The following RELN variants were observed in gnomAD, a reference collection of about 807,000 sequenced individuals.
RELN encodes reelin.
RELN carries 108 observed loss-of-function variants against 427.6 expected under a neutral mutation model. That is an observed-to-expected ratio of 0.25 (90% confidence interval 0.22 to 0.30). The LOEUF is 0.30. Among genes scored for constraint, RELN ranks in the 10% least tolerant of loss-of-function variants. The probability of loss-of-function intolerance (pLI) is 1.00; values close to 1 mark genes in which losing one functional copy is unlikely to be tolerated. For synonymous variants in RELN, 1,524 were observed against 1,513.4 expected, an observed-to-expected ratio of 1.01 and a Z score of -0.16; for missense variants, 3,715 against 4,302.8, an observed-to-expected ratio of 0.86 and a Z score of 3.82.
intron 4 of RELN, among the ~76,000 whole-genome samples, chr7:103,768,960 T>C (rs1319010251): frequency 1.3e-5 from 2 of 152,226 alleles, no homozygotes; most frequent in Non-Finnish European, 2.9e-5. Flanking sequence ...ATACAAATAA[T>C]GTAAGTTCAC....
chr7:103,615,481 C>T (rs1257259993), intron 20 of RELN, among the ~76,000 whole-genome samples: 3 of 152,172 alleles, frequency 2.0e-5, no homozygotes, highest in African/African-American at 7.2e-5. Context: ...TCCCCTAAAG[C>T]CCTCAGAACC....
At chr7:103,751,304 A>G (rs935679423) in intron 5 of RELN, among the ~76,000 whole-genome samples, 2 of 152,228 alleles carry the variant, frequency 1.3e-5, no homozygotes, top group Non-Finnish European at 2.9e-5. Flanking sequence ...ATTCTCTGAA[A>G]TCACTGGGTA....
chr7:103,631,976 A>C (rs1171133110), intron 19 of RELN, among the ~76,000 whole-genome samples: 1 of 152,198 alleles, frequency 6.6e-6, no homozygotes, highest in African/African-American at 2.4e-5. Flanking sequence ...TAACATAACA[A>C]TTGAAAACTA....
At chr7:103,773,162 T>TTCTTTCTTTCTTTCTTTC (rs1391560154) in intron 4 of RELN, among the ~76,000 whole-genome samples, 31 of 106,030 alleles carry the variant, frequency 2.9e-4, no homozygotes, top group African/African-American at 1.0e-3. Flanking sequence ...CTTTCTTTCT[T>TTCTTTCTTTCTTTCTTTC]TCTTTTTCTT....
intron 51 of RELN, among the ~76,000 whole-genome samples, chr7:103,504,829 T>A (rs1159697240): frequency 6.6e-6 from 1 of 152,170 alleles, no homozygotes; most frequent in East Asian, 1.9e-4. Flanking sequence ...ATTCACTGGC[T>A]TGAAATTCTC....
intron 50 of RELN, among the ~76,000 whole-genome samples, chr7:103,511,767 C>T (rs1190218969): frequency 1.3e-5 from 2 of 151,992 alleles, no homozygotes; most frequent in Non-Finnish European, 2.9e-5. Flanking sequence ...CTGCTTGAGT[C>T]CAGGAGTTCA....
At chr7:103,478,144 C>A (rs1828100128) in intron 64 of RELN, among the ~76,000 whole-genome samples, 1 of 152,128 alleles carries the variant, frequency 6.6e-6, no homozygotes, top group South Asian at 2.1e-4. Flanking sequence ...GACTAGCACT[C>A]TGGTCTATGC....
chr7:103,815,789 G>T (rs911171701), intron 3 of RELN, among the ~76,000 whole-genome samples: 3 of 152,186 alleles, frequency 2.0e-5, no homozygotes, highest in African/African-American at 7.2e-5. Flanking sequence ...ATTTCTTATA[G>T]ACATGAATTG....
chr7:103,921,738 C>T (rs913669640), intron 1 of RELN, among the ~76,000 whole-genome samples: 1 of 152,142 alleles, frequency 6.6e-6, no homozygotes, highest in Non-Finnish European at 1.5e-5. Flanking sequence ...TCCCTCCAGT[C>T]AAATTTCTCC....
chr7:103,915,022 C>A (rs1321974525), intron 2 of RELN, among the ~76,000 whole-genome samples: 3 of 152,090 alleles, frequency 2.0e-5, no homozygotes, highest in East Asian at 1.9e-4. Context: ...CCCAAACTTA[C>A]AATATCCTGA....
At position 103,566,664 on chromosome 7, in the gene RELN, T is replaced by C. The variant is rs1324218516; in HGVS notation, c.4684A>G (p.Ile1562Val). Reference protein sequence around the residue: ...MSFLEPQIISIDLPQDAKTPA... With the variant: ...MSFLEPQIISVDLPQDAKTPA... ...GTCTTCGCGTCCTGTGGCAGGTCAA[T>C]GGAAATGATCTGTGGTTCCAGGAAG... Residue 1562 changes from isoleucine to valine, a missense_variant, in exon 32 of 65, where the codon ATT becomes GTT. By Grantham distance (29) the Ile-to-Val change is conservative. Around this residue, in one of 4 missense-constraint regions of RELN, gnomAD observed 2,208 missense variants for 2,361.7 expected, o/e 0.93. Coordinates refer to ENST00000428762, the MANE Select transcript of RELN (RefSeq NM_005045.4). The C allele has an allele frequency of 6.2e-7, 1 of 1,614,170 alleles. No homozygotes were observed. The highest frequency in any genetic ancestry group is 1.7e-5 in the Admixed American group (1 of 60,008).
At chr7:103,528,719 G>C (rs920107947) in intron 46 of RELN, among the ~76,000 whole-genome samples, 1 of 151,576 alleles carries the variant, frequency 6.6e-6, no homozygotes, top group Admixed American at 6.6e-5. Context: ...AGTAGAGACG[G>C]GGTTTCACCA....
chr7:103,475,427 T>C (rs1361661465), intron 64 of RELN, among the ~76,000 whole-genome samples: 1 of 152,170 alleles, frequency 6.6e-6, no homozygotes, highest in African/African-American at 2.4e-5. Context: ...GACTTACTGA[T>C]TGGATTCCTG....
rs936175633 is a variant in RELN at position 103,879,244 on chromosome 7, A to AT, written c.337+37830dup. On this transcript the variant is annotated intron_variant, in intron 2 of 64. Transcript: ENST00000428762. ...ACACAGATTATATCTCTTTCAAAGT[A>AT]TTTTTTAATAGAATAATTGAGCTAA... 9.2e-5 allele frequency among the ~76,000 whole-genome samples: 14 copies of AT among 152,274 alleles called. No individual in the cohort carries two copies. In the East Asian group the frequency reaches 2.7e-3, roughly 29 times the overall value.
At chr7:103,656,195 A>C (rs1403843321) in intron 12 of RELN, among the ~76,000 whole-genome samples, 4 of 152,096 alleles carry the variant, frequency 2.6e-5, no homozygotes. Context: ...CTAAATTAAT[A>C]ATTTAAATAA....
At chr7:103,784,901 T>C (rs1584490596) in intron 3 of RELN, among the ~76,000 whole-genome samples, 1 of 152,162 alleles carries the variant, frequency 6.6e-6, no homozygotes, top group Non-Finnish European at 1.5e-5. Context: ...GTTTGTGAAA[T>C]GGGTGAATGA....
chr7:103,941,057 A>C (rs558406252), intron 1 of RELN, among the ~76,000 whole-genome samples: 15 of 152,216 alleles, frequency 9.9e-5, no homozygotes, highest in Non-Finnish European at 2.1e-4. Context: ...CCTGGATGTT[A>C]TTACCCCTGG....
chr7:103,747,551 A>C (rs497536), intron 6 of RELN, among the ~76,000 whole-genome samples: 24,268 of 151,804 alleles, frequency 0.16, 2,112 homozygotes, highest in Middle Eastern at 0.29. Context: ...GAGTCAAACC[A>C]GGGTAGTCTG....
intron 2 of RELN, among the ~76,000 whole-genome samples, chr7:103,866,447 G>A (rs1420605997): frequency 6.6e-6 from 1 of 151,982 alleles, no homozygotes; most frequent in Non-Finnish European, 1.5e-5. Context: ...TATAGCTTTG[G>A]TAACCCAATT....
Sources: allele counts gnomAD v4.1 joint callset (sites outside exome capture counted in the v4.1 genomes callset), GRCh38; gene constraint gnomAD v4.1.1; regional missense constraint gnomAD v4.1.1; transcripts MANE v1.5; gene names NCBI Gene and HGNC (gene_info 2026-07-23, HGNC 2026-07-21).